The following MED1 variants were observed in gnomAD, a reference collection of about 807,000 sequenced individuals.
The protein encoded by MED1 is mediator of RNA polymerase II transcription subunit 1.
Under a neutral mutation model 121.3 loss-of-function variants are expected in MED1, and 17 were observed. The ratio of observed to expected loss-of-function variants is 0.14; its 90% confidence interval spans 0.10 to 0.21. The LOEUF (loss-of-function observed/expected upper bound fraction) is 0.21. Among genes scored for constraint, MED1 ranks in the 10% least tolerant of loss-of-function variants. The pLI is 1.00. For synonymous variants in MED1, 661 were observed against 694.4 expected (o/e 0.95, Z 0.76); for missense variants, 1,558 against 1,919.4 (o/e 0.81, Z 3.52).
rs187682852 is a variant in MED1, at chr17:39,433,283, T to A, written c.500+966A>T. The stretch of plus-strand genomic sequence containing the variant: ...ACTCGGAAGGCTGAGGCAGGAGAAC[T>A]GCTTGAACCCGGGAGGTGGAGGCTG... On this transcript the variant is annotated intron_variant, in intron 7 of 16. Transcript: ENST00000300651. 1.1e-3 allele frequency among the ~76,000 whole-genome samples: 160 copies of A among 151,114 alleles called. 1 individual carries two copies. Among genetic ancestry groups the A allele is most frequent in the African/African-American group, 3.7e-3 (154 of 41,122 alleles).
In MED1 at chr17:39,424,741, G is replaced by A. The variant is rs1287389461; in HGVS notation, c.740-3C>T. On this transcript the variant is annotated splice_region_variant and splice_polypyrimidine_tract_variant and intron_variant, in intron 10 of 16. Coordinates refer to ENST00000300651, the MANE Select transcript of MED1 (RefSeq NM_004774.4). ...ATTCATGCCCAAAGATCGAGAAACTGGGGATAGGAAAGAAAAAGGGTATTC... is the reference window on the plus strand; with the variant it reads ...ATTCATGCCCAAAGATCGAGAAACTAGGGATAGGAAAGAAAAAGGGTATTC... 2.6e-6 allele frequency: 4 copies of A among 1,559,578 alleles called. No homozygotes were observed. Among genetic ancestry groups the A allele is most frequent in the Admixed American group, 1.7e-5 (1 of 58,568 alleles).
chr17:39,433,527 C>CTATATATATATATATATATA (rs149231162), intron 7 of MED1, among the ~76,000 whole-genome samples: 13 of 144,368 alleles, frequency 9.0e-5, no homozygotes, highest in Admixed American at 7.0e-4. Context: ...TTTTTTGTTA[C>CTATATATATATATATATATA]TATATATATA....
At chr17:39,424,849 A>T in intron 10 of MED1, 111 bp from the exon 11 acceptor site, 1 of 678,292 alleles carries the variant, frequency 1.5e-6, no homozygotes, top group East Asian at 2.8e-5. Context: ...AATTTATCAG[A>T]TGCTGTTATT....
chr17:39,414,941 T>A (rs1171985188), intron 16 of MED1, 85 bp downstream of exon 16: 2 of 1,203,090 alleles, frequency 1.7e-6, no homozygotes, highest in Admixed American at 1.7e-5. Context: ...GTGTGGGGAT[T>A]ACAGGCGTGA....
In MED1 at chr17:39,410,643, G is replaced by A; in HGVS notation, c.1578C>T (p.Ser526=). Residue 526 remains serine (S), a synonymous_variant, in exon 17 of 17, where the codon TCC becomes TCT. Coordinates refer to ENST00000300651, the MANE Select transcript of MED1 (RefSeq NM_004774.4). ...ETIQADTPAL[S]LIAETVEDMV... ...TGTCTTCAACTGTCTCTGCAATGAG[G>A]GACAGTGCTGGGGTGTCGGCTTGAA... is the stretch of plus-strand genomic sequence containing the variant. 2 of 1,614,146 alleles carry A rather than the reference G, an allele frequency of 1.2e-6. No homozygotes were observed. The highest frequency in any genetic ancestry group is 1.7e-6 in the Non-Finnish European group (2 of 1,180,028).
chr17:39,408,930 G>A lies in MED1; in HGVS notation c.3291C>T (p.His1097=), dbSNP rs770694973. The A allele has an allele frequency of 2.5e-6, 4 of 1,614,162 alleles. No individual in the cohort carries two copies. Among genetic ancestry groups the A allele is most frequent in the Non-Finnish European group, 3.4e-6 (4 of 1,180,040 alleles). The change falls in exon 17 of 17, where the codon CAC becomes CAT. Residue 1097 remains histidine (H), a synonymous_variant. Coordinates refer to ENST00000300651, the MANE Select transcript of MED1 (RefSeq NM_004774.4). The surrounding 1 kb of genome is among the most constrained non-coding windows in gnomAD (Gnocchi z 4.7). ...AGGAAGAGGAGGAAGAATGGCTATG[G>A]TGGCTTTTGCTGCCTGAGGAAGACA... ...GSVSSSGSKS[H]HSHSSSSSSS... is the part of the protein sequence containing the mutation.
Position 39,408,897 on chromosome 17 carries a change from A to C in MED1, c.3324T>G (p.Ala1108=), listed in dbSNP as rs751932737. Residue 1108 remains alanine (A), a synonymous_variant, in exon 17 of 17, where the codon GCT becomes GCG. Transcript: ENST00000300651. This position sits in a 1 kb window ranked among gnomAD's most constrained non-coding sequence, Gnocchi z 4.7. Reference sequence around the variant, plus strand: ...TGCTTTTCATCTTCCCTGAGGTGGAAGCAGATGAGGAAGAGGAGGAAGAAT... The same window carrying C: ...TGCTTTTCATCTTCCCTGAGGTGGACGCAGATGAGGAAGAGGAGGAAGAAT... ...HSHSSSSSSS[A]STSGKMKSSK... is the part of the protein sequence containing the mutation. 1.2e-6 allele frequency: 2 copies of C among 1,614,150 alleles called. No homozygotes were observed. Among genetic ancestry groups the C allele is most frequent in the East Asian group, 2.2e-5 (1 of 44,882 alleles).
At chr17:39,448,128 T>C (rs1249948697) in intron 1 of MED1, among the ~76,000 whole-genome samples, 1 of 151,132 alleles carries the variant, frequency 6.6e-6, no homozygotes, top group African/African-American at 2.4e-5. Flanking sequence ...GACTGTTATC[T>C]ATCCACCTTT....
chr17:39,441,310 G>A (rs1282299307), intron 3 of MED1, among the ~76,000 whole-genome samples: 1 of 152,266 alleles, frequency 6.6e-6, no homozygotes, highest in Non-Finnish European at 1.5e-5. Context: ...CTGGGGGAAG[G>A]CGGGAATGGG....
chr17:39,421,814 A>G (rs2048467577), intron 13 of MED1, among the ~76,000 whole-genome samples: 1 of 152,018 alleles, frequency 6.6e-6, no homozygotes, highest in Admixed American at 6.6e-5. Context: ...TGATATTCTA[A>G]AAGTTCAAAA....
chr17:39,415,147 C>T lies in MED1; in HGVS notation c.1394-16G>A. On this transcript the variant is annotated splice_polypyrimidine_tract_variant and intron_variant, in intron 15 of 16. Coordinates refer to ENST00000300651, the MANE Select transcript of MED1 (RefSeq NM_004774.4). Reference sequence around the variant, plus strand: ...TCCATTACCACTGAAAGACAAAATACATAGGAAATTGTTTTAGATTTAGCT... The same window carrying T: ...TCCATTACCACTGAAAGACAAAATATATAGGAAATTGTTTTAGATTTAGCT... 6.2e-7 allele frequency: 1 copy of T among 1,612,770 alleles called. No individual in the cohort carries two copies. Among genetic ancestry groups the T allele is most frequent in the South Asian group, 1.1e-5 (1 of 91,052 alleles).
In MED1 at chr17:39,407,215, C is replaced by G. The variant is rs1224399506; in HGVS notation, c.*260G>C. 3.5e-6 allele frequency: 1 copy of G among 287,832 alleles called. No individual in the cohort carries two copies. Among genetic ancestry groups the G allele is most frequent in the East Asian group, 2.3e-4 (1 of 4,268 alleles). 17.8% of individuals were successfully genotyped at this position (287,832 alleles called of 1,614,324 possible). A position where few individuals can be genotyped will look rare whatever the true frequency, so the allele number is the denominator to read the frequency against. ...TCCCTACACCCCTCCCACCCCCCTCCCTTTCTTAAGCAAGTATTTTAACTT... is the reference window on the plus strand; with the variant it reads ...TCCCTACACCCCTCCCACCCCCCTCGCTTTCTTAAGCAAGTATTTTAACTT... On this transcript the variant is annotated 3_prime_UTR_variant, in exon 17 of 17. Transcript: ENST00000300651.
At chr17:39,428,583 G>A (rs191444636) in intron 9 of MED1, among the ~76,000 whole-genome samples, 184 of 152,248 alleles carry the variant, frequency 1.2e-3, no homozygotes, top group Non-Finnish European at 2.1e-3. Flanking sequence ...ACAATGAGCC[G>A]TGATTGTGCC....
In MED1 at chr17:39,442,453, C is replaced by G. The variant is rs1240553438; in HGVS notation, c.211+1097G>C. Among the ~76,000 whole-genome samples, 5 of 150,662 alleles carry G rather than the reference C, an allele frequency of 3.3e-5. No homozygotes were observed. In the East Asian group the frequency reaches 7.7e-4, roughly 23 times the overall value. On this transcript the variant is annotated intron_variant, in intron 3 of 16. Transcript: ENST00000300651. ...TCTACTAAAAATACAAAACATTAGC[C>G]AGGCGTGGTGGGACGCGCCTGTAGT... is the stretch of plus-strand genomic sequence containing the variant.
At chr17:39,442,592 G>A (rs1350321402) in intron 3 of MED1, among the ~76,000 whole-genome samples, 10 of 97,878 alleles carry the variant, frequency 1.0e-4, no homozygotes, top group South Asian at 5.2e-4. Flanking sequence ...GTGAGACACC[G>A]TCTCGGAAAA....
chr17:39,417,989 C>T (rs371077753), intron 14 of MED1, among the ~76,000 whole-genome samples: 15 of 143,514 alleles, frequency 1.0e-4, no homozygotes, highest in East Asian at 4.2e-4. Flanking sequence ...CAGAGGCTGA[C>T]GCAGGAGAAT....
chr17:39,412,353 C>T (rs756317071), intron 16 of MED1, among the ~76,000 whole-genome samples: 1 of 149,918 alleles, frequency 6.7e-6, no homozygotes, highest in African/African-American at 2.5e-5. Flanking sequence ...CTCAGCCTCT[C>T]GAGTAGCTGG....
In MED1 at chr17:39,410,490, A is replaced by G. The variant is rs1436845328; in HGVS notation, c.1731T>C (p.Asn577=). ...FPGGPITTLF[N]MSMSIKDRHE... Reference sequence around the variant, plus strand: ...GCCGATCTTTGATGCTCATGCTCATATTAAACAAGGTGGTAATGGGACCCC... The same window carrying G: ...GCCGATCTTTGATGCTCATGCTCATGTTAAACAAGGTGGTAATGGGACCCC... Residue 577 remains asparagine, a synonymous_variant, in exon 17 of 17, where the codon AAT becomes AAC. Coordinates refer to ENST00000300651, the MANE Select transcript of MED1 (RefSeq NM_004774.4). 13 of 1,613,922 alleles carry G rather than the reference A, an allele frequency of 8.1e-6. No homozygotes were observed. The African/African-American group carries it at 1.5e-4, about 18-fold the overall frequency.
intron 16 of MED1, among the ~76,000 whole-genome samples, chr17:39,411,304 T>A (rs1348724781): frequency 6.9e-6 from 1 of 145,124 alleles, no homozygotes; most frequent in Non-Finnish European, 1.5e-5. Context: ...GGCAACAGAG[T>A]GAGACTCCGT....
Sources: allele counts gnomAD v4.1 joint callset (sites outside exome capture counted in the v4.1 genomes callset), GRCh38; gene constraint gnomAD v4.1.1; non-coding constraint Gnocchi (gnomAD v3.1); transcripts MANE v1.5; gene names NCBI Gene and HGNC (gene_info 2026-07-23, HGNC 2026-07-21).